The following ZAP70 variants were observed in gnomAD, a reference collection of about 807,000 sequenced individuals.
The protein encoded by ZAP70 is tyrosine-protein kinase ZAP-70.
A neutral mutation model predicts 65.8 loss-of-function variants in ZAP70; 27 were observed. The observed-to-expected ratio is 0.41, with a 90% CI of 0.30 to 0.57. ZAP70 has a LOEUF of 0.57. ZAP70 is among the 20% of genes least tolerant of loss of function. The probability of loss-of-function intolerance (pLI) is 0.28; values close to 1 mark genes in which losing one functional copy is unlikely to be tolerated. For missense variants in ZAP70, 696 were observed against 870.5 expected, an observed-to-expected ratio of 0.80 and a Z score of 2.52; for synonymous variants, 363 against 360.8, an observed-to-expected ratio of 1.01 and a Z score of -0.07.
intron 2 of ZAP70, among the ~76,000 whole-genome samples, chr2:97,719,234 GA>G (rs1427110935): frequency 1.3e-5 from 2 of 151,648 alleles, no homozygotes; most frequent in Middle Eastern, 3.2e-3. Flanking sequence ...GAGATCAAAG[GA>G]GATGATGCCA....
chr2:97,721,448 C>A (rs2104652865), intron 2 of ZAP70, among the ~76,000 whole-genome samples: 1 of 152,262 alleles, frequency 6.6e-6, no homozygotes, highest in East Asian at 1.9e-4. Context: ...GAGTCTCACT[C>A]TGTCGCCCAG....
At chr2:97,742,858 A>C (rs1201221244), downstream of ZAP70, among the ~76,000 whole-genome samples, 1 of 152,222 alleles carries the variant, frequency 6.6e-6, no homozygotes, top group African/African-American at 2.4e-5. Flanking sequence ...CCCAAGGCCA[A>C]TATGTAAGAG....
chr2:97,749,531 G>A, the ZAP70 span, among the ~76,000 whole-genome samples: 3 of 152,184 alleles, frequency 2.0e-5, no homozygotes, highest in African/African-American at 4.8e-5. Context: ...GAGTTGCTAG[G>A]AGCATGCATT....
chr2:97,741,173 G>T (rs1194044354), downstream of ZAP70, among the ~76,000 whole-genome samples: 3 of 152,158 alleles, frequency 2.0e-5, no homozygotes, highest in Admixed American at 6.5e-5. Context: ...AGCAAGTCTA[G>T]ACACGTTCCA....
At position 97,737,446 on chromosome 2, in the gene ZAP70, C is replaced by A. The variant is rs1176474461; in HGVS notation, c.1290-27C>A. The A allele has an allele frequency of 6.2e-7, 1 of 1,613,448 alleles. No homozygotes were observed. Among genetic ancestry groups the A allele is most frequent in the Admixed American group, 1.7e-5 (1 of 60,010 alleles). On this transcript the variant is annotated intron_variant, in intron 10 of 13. Transcript: ENST00000264972. This position sits in a 1 kb window ranked among gnomAD's most constrained non-coding sequence, Gnocchi z 5.0. ...GGGAACTTGGCTAGTCTTCTCCCAG[C>A]TGACCCCGCCTTCCCCGCCACCCCA...
chr2:97,720,700 C>G (rs997995106), intron 2 of ZAP70, among the ~76,000 whole-genome samples: 6 of 152,176 alleles, frequency 3.9e-5, no homozygotes, highest in African/African-American at 1.2e-4. Flanking sequence ...ACCTTTTTCT[C>G]CAGGTGGAGC....
intron 13 of ZAP70, 75 bp from the exon 14 acceptor site, chr2:97,739,300 G>A (rs1474102401): frequency 6.2e-7 from 1 of 1,600,224 alleles, no homozygotes; most frequent in African/African-American, 1.3e-5. Context: ...GCCAAGCACA[G>A]TGCATGCCCA....
At chr2:97,754,408 CT>C in the ZAP70 span, among the ~76,000 whole-genome samples, 1 of 151,162 alleles carries the variant, frequency 6.6e-6, no homozygotes, top group Non-Finnish European at 1.5e-5. Context: ...TTTTTCTTAT[CT>C]TTTTTTTTGA....
Position 97,737,671 on chromosome 2 carries a change from C to T in ZAP70, c.1482+6C>T, listed in dbSNP as rs1677955722. On this transcript the variant is annotated splice_donor_region_variant and intron_variant, in intron 11 of 13. Transcript: ENST00000264972. The surrounding 1 kb of genome is among the most constrained non-coding windows in gnomAD (Gnocchi z 5.0). Reference sequence around the variant, plus strand: ...CCGACGACAGCTACTACACTGTAAGCCTCTGCCCCTGTGATGCCCGACTGG... The same window carrying T: ...CCGACGACAGCTACTACACTGTAAGTCTCTGCCCCTGTGATGCCCGACTGG... 13 of 1,614,106 alleles carry T rather than the reference C, an allele frequency of 8.1e-6. No individual in the cohort carries two copies. Among genetic ancestry groups the T allele is most frequent in the Non-Finnish European group, 1.0e-5 (12 of 1,179,992 alleles).
At chr2:97,742,636 G>C (rs1678159104), downstream of ZAP70, among the ~76,000 whole-genome samples, 2 of 152,228 alleles carry the variant, frequency 1.3e-5, 1 homozygote, top group South Asian at 4.1e-4. Context: ...CTTTGTCCTT[G>C]TCTGAGGTAT....
rs769677892 is a variant in ZAP70, at chr2:97,734,599, G to A, written c.969G>A (p.Glu323=). 26 of 1,614,232 alleles carry A rather than the reference G, an allele frequency of 1.6e-5. No homozygotes were observed. The highest frequency in any genetic ancestry group is 2.2e-5 in the Non-Finnish European group (26 of 1,180,024). The part of the protein sequence containing the change: ...SVYESPYSDP[E]ELKDKKLFLK... ...ATGAGAGCCCCTACAGCGACCCAGA[G>A]GAGCTCAAGGACAAGAAGCTCTTCC... The change falls in exon 9 of 14, where the codon GAG becomes GAA. Residue 323 remains glutamate (E), a synonymous_variant. Coordinates refer to ENST00000264972, the MANE Select transcript of ZAP70 (RefSeq NM_001079.4).
rs1284485970 is a variant in ZAP70, at chr2:97,734,508, G to A, written c.890-12G>A. 1 of 1,612,494 alleles carries A rather than the reference G, an allele frequency of 6.2e-7. No homozygotes were observed. Among genetic ancestry groups the A allele is most frequent in the Admixed American group, 1.7e-5 (1 of 59,888 alleles). On this transcript the variant is annotated splice_polypyrimidine_tract_variant and intron_variant, in intron 8 of 13. Transcript: ENST00000264972. ...GCCCCTGACCTGGGAGTGTACCGCT[G>A]TGTGTGCCCAGCACGCATAACGTCC...
At chr2:97,754,652 C>T in the ZAP70 span, among the ~76,000 whole-genome samples, 1 of 152,218 alleles carries the variant, frequency 6.6e-6, no homozygotes, top group African/African-American at 2.4e-5. Context: ...ATCCGCCCAC[C>T]TCGGCCTCCC....
Position 97,739,791 on chromosome 2 carries a change from T to TGACA in ZAP70, c.*294_*297dup. 2.2e-6 allele frequency: 1 copy of TGACA among 461,138 alleles called. No individual in the cohort carries two copies. The allele number at this position is 461,138 out of a possible 1,614,324, so 28.6% of individuals were successfully genotyped here. ...TACACGGATGCCTTCCCCTGGGCCC[T>TGACA]GACATTGGAGCCTGGGCATCCTCAG... On this transcript the variant is annotated 3_prime_UTR_variant, in exon 14 of 14. Transcript: ENST00000264972.
Position 97,737,099 on chromosome 2 carries a change from AAG to A in ZAP70, c.1290-371_1290-370del, listed in dbSNP as rs1341994497. 6.6e-6 allele frequency among the ~76,000 whole-genome samples: 1 copy of A among 152,038 alleles called. No individual in the cohort carries two copies. Among genetic ancestry groups the A allele is most frequent in the Non-Finnish European group, 1.5e-5 (1 of 68,002 alleles). On this transcript the variant is annotated intron_variant, in intron 10 of 13. Coordinates refer to ENST00000264972, the MANE Select transcript of ZAP70 (RefSeq NM_001079.4). This position sits in a 1 kb window ranked among gnomAD's most constrained non-coding sequence, Gnocchi z 5.0. ...TTGCTGATGGATTGGGTGTGAGAGAAAGAGGAGCTGCTGGAGAGGACAGTGGA... is the reference window on the plus strand; with the variant it reads ...TTGCTGATGGATTGGGTGTGAGAGAAAGGAGCTGCTGGAGAGGACAGTGGA...
At chr2:97,754,883 A>T in the ZAP70 span, among the ~76,000 whole-genome samples, 1 of 152,234 alleles carries the variant, frequency 6.6e-6, no homozygotes, top group East Asian at 1.9e-4. Context: ...CAGCCTACAC[A>T]CCATAGCTCT....
At chr2:97,719,889 C>A (rs13420683) in intron 2 of ZAP70, among the ~76,000 whole-genome samples, 57,917 of 151,920 alleles carry the variant, frequency 0.38, 14,110 homozygotes, top group African/African-American at 0.69. Flanking sequence ...CACCCAGCAA[C>A]CTCTGGTGCG....
At chr2:97,734,892 G>C (rs1306101555) in intron 9 of ZAP70, 180 bp downstream of exon 9, 2 of 871,522 alleles carry the variant, frequency 2.3e-6, no homozygotes, top group Admixed American at 4.7e-5. Context: ...CACCTGACGG[G>C]GGTGGGATGG....
intron 4 of ZAP70, among the ~76,000 whole-genome samples, chr2:97,730,933 C>G (rs1677572113): frequency 6.6e-6 from 1 of 151,498 alleles, no homozygotes; most frequent in South Asian, 2.1e-4. Flanking sequence ...TGTGCACCTG[C>G]AGTCCCAGCT....
Sources: allele counts gnomAD v4.1 joint callset (sites outside exome capture counted in the v4.1 genomes callset), GRCh38; gene constraint gnomAD v4.1.1; non-coding constraint Gnocchi (gnomAD v3.1); transcripts MANE v1.5; gene names NCBI Gene and HGNC (gene_info 2026-07-23, HGNC 2026-07-21).